CDH13: variants seen among roughly 807,000 people sequenced by gnomAD.
The protein encoded by CDH13 is cadherin-13.
A neutral mutation model predicts 63.8 loss-of-function variants in CDH13; 24 were observed. That is an observed-to-expected ratio of 0.38 (90% CI 0.27 to 0.53). The LOEUF is 0.53. Ranked by LOEUF, CDH13 falls within the 20% of genes least tolerant of loss-of-function variation. CDH13 has a pLI of 0.85. For synonymous variants in CDH13, 503 were observed against 355.3 expected (o/e 1.42, Z -4.67); for missense variants, 1,049 against 903.1 (o/e 1.16, Z -2.07).
intron 2 of CDH13, among the ~76,000 whole-genome samples, chr16:82,902,638 C>T (rs1239981187): frequency 6.6e-6 from 1 of 151,406 alleles, no homozygotes; most frequent in Non-Finnish European, 1.5e-5. Flanking sequence ...TACAACTCTA[C>T]CTATACATTA....
chr16:83,062,296 T>C (rs1388641142), intron 3 of CDH13, among the ~76,000 whole-genome samples: 33 of 152,240 alleles, frequency 2.2e-4, no homozygotes, highest in Admixed American at 2.2e-3. Flanking sequence ...TTTCCATTCA[T>C]AGCATTTGTT....
At chr16:83,458,515 A>G (rs62040122) in intron 6 of CDH13, among the ~76,000 whole-genome samples, 1,698 of 152,322 alleles carry the variant, frequency 0.011, 23 homozygotes, top group Non-Finnish European at 0.015. Flanking sequence ...ATGGAGTTAT[A>G]GAATGGAGTT....
At chr16:83,342,647 T>G (rs2090750812) in intron 5 of CDH13, among the ~76,000 whole-genome samples, 1 of 152,184 alleles carries the variant, frequency 6.6e-6, no homozygotes, top group Non-Finnish European at 1.5e-5. Flanking sequence ...GTTTCTGTCT[T>G]TCTTTCCATT....
At chr16:83,792,825 A>C (rs1200961108) in intron 13 of CDH13, among the ~76,000 whole-genome samples, 1 of 152,268 alleles carries the variant, frequency 6.6e-6, no homozygotes, top group Non-Finnish European at 1.5e-5. Context: ...TCTTTCTAAT[A>C]GGCTTTTGCA....
At chr16:83,633,869 C>A (rs1237341577) in intron 8 of CDH13, among the ~76,000 whole-genome samples, 1 of 152,090 alleles carries the variant, frequency 6.6e-6, no homozygotes, top group Non-Finnish European at 1.5e-5. Context: ...CCATGTGATC[C>A]CAGAATGCAT....
chr16:83,139,592 C>T (rs536538504), intron 4 of CDH13, among the ~76,000 whole-genome samples: 1 of 152,182 alleles, frequency 6.6e-6, no homozygotes, highest in African/African-American at 2.4e-5. Flanking sequence ...TCATTCCTAA[C>T]ATGCCATGAA....
chr16:83,548,424 C>T (rs1168862163), intron 7 of CDH13, among the ~76,000 whole-genome samples: 1 of 152,130 alleles, frequency 6.6e-6, no homozygotes, highest in East Asian at 1.9e-4. Flanking sequence ...GGCAGCCCCT[C>T]CCCCAACAGC....
At position 82,672,757 on chromosome 16, in the gene CDH13, A is replaced by G. The variant is rs182116176; in HGVS notation, c.45+45620A>G. Among the ~76,000 whole-genome samples, 1,088 of 143,860 alleles carry G rather than the reference A, an allele frequency of 7.6e-3. 5 individuals carry two copies. Among genetic ancestry groups the G allele is most frequent in the Middle Eastern group, 0.018 (5 of 282 alleles). The allele number at this position is 143,860 out of a possible 152,430, so 94.4% of individuals were successfully genotyped here. On this transcript the variant is annotated intron_variant, in intron 1 of 13. Coordinates refer to ENST00000567109, the MANE Select transcript of CDH13 (RefSeq NM_001257.5). ...TCTCATGTTTCCTTTAAGAAAGGAA[A>G]TATATATGTGTACACACACACACAC...
intron 2 of CDH13, among the ~76,000 whole-genome samples, chr16:82,948,676 T>A (rs1194228015): frequency 6.6e-6 from 1 of 152,188 alleles, no homozygotes; most frequent in Non-Finnish European, 1.5e-5. Flanking sequence ...ACTAGTCACT[T>A]TCAAAATGTT....
At chr16:83,146,099 CA>C (rs945944499) in intron 4 of CDH13, among the ~76,000 whole-genome samples, 5 of 149,268 alleles carry the variant, frequency 3.3e-5, no homozygotes, top group African/African-American at 5.0e-5. Flanking sequence ...AAGGCTGGGG[CA>C]GGAGAATCGC....
Position 82,993,981 on chromosome 16 carries a change from T to C in CDH13, c.158-38029T>C, listed in dbSNP as rs1258452229. Among the ~76,000 whole-genome samples the C allele has an allele frequency of 2.0e-5, 3 of 152,144 alleles. No individual in the cohort carries two copies. The East Asian group carries it at 5.8e-4, about 29-fold the overall frequency. On this transcript the variant is annotated intron_variant, in intron 2 of 13. Transcript: ENST00000567109. Reference sequence around the variant, plus strand: ...GCAAGATCCTGAAGCCCTGATTCTTTCCCCATCATTATATCCCTTTTCAGG... The same window carrying C: ...GCAAGATCCTGAAGCCCTGATTCTTCCCCCATCATTATATCCCTTTTCAGG...
rs572200886 is a variant in CDH13 at position 82,664,417 on chromosome 16, A to G, written c.45+37280A>G. Among the ~76,000 whole-genome samples, 8 of 152,338 alleles carry G rather than the reference A, an allele frequency of 5.3e-5. No homozygotes were observed. In the South Asian group the frequency reaches 1.7e-3, roughly 32 times the overall value. ...AGCGAGGGTTGGGTGCAGCTTGGCT[A>G]CAGCTCTGAACACAGCAGTGGGGGC... On this transcript the variant is annotated intron_variant, in intron 1 of 13. Transcript: ENST00000567109.
intron 6 of CDH13, among the ~76,000 whole-genome samples, chr16:83,462,962 C>G (rs2073217869): frequency 6.6e-6 from 1 of 152,102 alleles, no homozygotes; most frequent in African/African-American, 2.4e-5. Flanking sequence ...AAGCTATGGT[C>G]TTGTAGCTGA....
At chr16:82,981,747 A>C (rs930886367) in intron 2 of CDH13, among the ~76,000 whole-genome samples, 3 of 152,208 alleles carry the variant, frequency 2.0e-5, no homozygotes, top group Non-Finnish European at 4.4e-5. Context: ...GGATGCTCAC[A>C]TTCAGCCTTT....
At chr16:83,713,922 A>G (rs1319074487) in intron 10 of CDH13, among the ~76,000 whole-genome samples, 1 of 152,214 alleles carries the variant, frequency 6.6e-6, no homozygotes, top group Non-Finnish European at 1.5e-5. Context: ...AAAGGCCAGC[A>G]GTAGCTCTGG....
chr16:83,042,298 G>C (rs1016798015), intron 3 of CDH13, among the ~76,000 whole-genome samples: 2 of 152,174 alleles, frequency 1.3e-5, no homozygotes, highest in African/African-American at 4.8e-5. Context: ...ATTACTGCCT[G>C]AGCACTGCCT....
intron 7 of CDH13, among the ~76,000 whole-genome samples, chr16:83,520,875 A>T (rs1223903902): frequency 6.6e-6 from 1 of 152,138 alleles, no homozygotes; most frequent in Admixed American, 6.5e-5. Flanking sequence ...CAAAATCTTC[A>T]TCCAAGTTTT....
chr16:83,696,161 G>C (rs1336311668), intron 10 of CDH13, among the ~76,000 whole-genome samples: 3 of 152,206 alleles, frequency 2.0e-5, no homozygotes. Flanking sequence ...ACAGTGCTGG[G>C]ATTACAGACG....
At chr16:83,142,154 GTTTTTGTTTTTT>G (rs2036559385) in intron 4 of CDH13, among the ~76,000 whole-genome samples, 1 of 113,624 alleles carries the variant, frequency 8.8e-6, no homozygotes, top group Non-Finnish European at 1.8e-5. Context: ...TTGTTTGTTT[GTTTTTGTTTTTT>G]TTTTTTTTTT....
Sources: allele counts gnomAD v4.1 joint callset (sites outside exome capture counted in the v4.1 genomes callset), GRCh38; gene constraint gnomAD v4.1.1; transcripts MANE v1.5; gene names NCBI Gene and HGNC (gene_info 2026-07-23, HGNC 2026-07-21).